HECTD2: variants seen among roughly 807,000 people sequenced by gnomAD.
The protein encoded by HECTD2 is HECT domain E3 ubiquitin protein ligase 2, also known as probable E3 ubiquitin-protein ligase HECTD2.
In HECTD2, 35 loss-of-function variants were observed where a neutral mutation model predicts 103.2. That is an observed-to-expected ratio of 0.34 (90% CI 0.26 to 0.45). The LOEUF (loss-of-function observed/expected upper bound fraction) is 0.45, where lower values mean the gene tolerates loss of function less well. HECTD2 is among the 20% of genes least tolerant of loss of function. The pLI, the probability that HECTD2 is intolerant of heterozygous loss-of-function variation, is 1.00. For synonymous variants in HECTD2, 281 were observed against 329.9 expected (o/e 0.85, Z 1.61); for missense variants, 596 against 937.4 (o/e 0.64, Z 4.76).
In HECTD2 at chr10:91,438,303, A is replaced by C. The variant is rs374013468; in HGVS notation, c.268+12893A>C. On this transcript the variant is annotated intron_variant, in intron 2 of 20. Coordinates refer to ENST00000298068, the MANE Select transcript of HECTD2 (RefSeq NM_182765.6). ...TGTGTCCATGTGTTCTCATTGTTCA[A>C]CTGCCACTTACGAGTGAGAACATGC... Among the ~76,000 whole-genome samples, 451 of 152,226 alleles carry C rather than the reference A, an allele frequency of 3.0e-3. 3 individuals are homozygous for C. Among genetic ancestry groups the C allele is most frequent in the African/African-American group, 0.01 (426 of 41,542 alleles).
rs397846279 is a variant in HECTD2, at chr10:91,415,193, A to AGTGTGTGTGTGTGTGT, written c.138+4640_138+4655dup. On this transcript the variant is annotated intron_variant, in intron 1 of 20. Transcript: ENST00000298068. ...GTCAATAGCATTCCAAATTAGAGAA[A>AGTGTGTGTGTGTGTGT]GTGTGTGTGTGTGTGTGTGTGTGTG... Among the ~76,000 whole-genome samples, 1,194 of 141,708 alleles carry AGTGTGTGTGTGTGTGT rather than the reference A, an allele frequency of 8.4e-3. 14 individuals carry two copies. The highest frequency in any genetic ancestry group is 0.018 in the African/African-American group (690 of 37,906). 93.0% of individuals were successfully genotyped at this position (141,708 alleles called of 152,430 possible). A position where few individuals can be genotyped will look rare whatever the true frequency, so the allele number is the denominator to read the frequency against.
chr10:91,507,967 G>A (rs1366797890), intron 20 of HECTD2, among the ~76,000 whole-genome samples: 1 of 137,586 alleles, frequency 7.3e-6, no homozygotes, highest in Non-Finnish European at 1.5e-5. Flanking sequence ...AAATAATGCC[G>A]CATATGTACA....
rs1364750936 is a variant in HECTD2 at position 91,472,674 on chromosome 10, T to C, written c.601-5527T>C. 2.6e-5 allele frequency among the ~76,000 whole-genome samples: 4 copies of C among 152,320 alleles called. No individual in the cohort carries two copies. The East Asian group carries it at 7.7e-4, about 29-fold the overall frequency. On this transcript the variant is annotated intron_variant, in intron 5 of 20. Transcript: ENST00000298068. ...CAGACACTTCAAAAGAAGACATACATGTGTCCAACCAGCATATGAAGAAAT... is the reference window on the plus strand; with the variant it reads ...CAGACACTTCAAAAGAAGACATACACGTGTCCAACCAGCATATGAAGAAAT...
chr10:91,490,736 A>G (rs1304482952), intron 11 of HECTD2, among the ~76,000 whole-genome samples: 1 of 150,818 alleles, frequency 6.6e-6, no homozygotes, highest in African/African-American at 2.4e-5. Context: ...CTAAAAATAC[A>G]AAAAATTAGC....
chr10:91,415,208 G>GTGTGTGTGTGTGTC (rs1843074943), intron 1 of HECTD2, among the ~76,000 whole-genome samples: 1 of 151,644 alleles, frequency 6.6e-6, no homozygotes, highest in African/African-American at 2.4e-5. Flanking sequence ...GTGTGTGTGT[G>GTGTGTGTGTGTGTC]TGTGTGTGTG....
At chr10:91,464,865 A>G (rs1358735710) in intron 5 of HECTD2, among the ~76,000 whole-genome samples, 1 of 152,226 alleles carries the variant, frequency 6.6e-6, no homozygotes, top group Non-Finnish European at 1.5e-5. Context: ...TTAATATGTT[A>G]TATATGTTAA....
At chr10:91,425,881 T>C (rs1345736855) in intron 2 of HECTD2, among the ~76,000 whole-genome samples, 1 of 151,938 alleles carries the variant, frequency 6.6e-6, no homozygotes, top group African/African-American at 2.4e-5. Flanking sequence ...ATAGATGTTA[T>C]AACGATATAA....
chr10:91,481,212 T>G (rs540379439), intron 7 of HECTD2, 73 bp downstream of exon 7: 5 of 637,570 alleles, frequency 7.8e-6, no homozygotes, highest in African/African-American at 3.8e-5. Context: ...TGAAATGATA[T>G]TAAATATTAA....
intron 2 of HECTD2, among the ~76,000 whole-genome samples, chr10:91,458,011 A>G (rs1845181720): frequency 7.0e-6 from 1 of 143,652 alleles, no homozygotes; most frequent in Admixed American, 6.8e-5. Context: ...CAGATGGCAT[A>G]ATTGTCTATG....
intron 6 of HECTD2, among the ~76,000 whole-genome samples, chr10:91,480,539 C>T (rs1846055312): frequency 6.6e-6 from 1 of 152,042 alleles, no homozygotes; most frequent in South Asian, 2.1e-4. Flanking sequence ...AAGAAACACT[C>T]ATTAGCCTTG....
At chr10:91,496,965 C>CTT (rs200052503) in intron 15 of HECTD2, among the ~76,000 whole-genome samples, 17 of 141,980 alleles carry the variant, frequency 1.2e-4, no homozygotes, top group African/African-American at 3.3e-4. Flanking sequence ...GAAAATCTTT[C>CTT]TTTTTTTTTT....
chr10:91,485,102 T>A, intron 9 of HECTD2, 78 bp from the exon 10 acceptor site: 1 of 1,010,822 alleles, frequency 9.9e-7, no homozygotes, highest in Non-Finnish European at 1.4e-6. Flanking sequence ...CTTGTAGACA[T>A]TAAAATGATG....
intron 12 of HECTD2, 114 bp from the exon 13 acceptor site, chr10:91,492,238 T>C: frequency 1.1e-6 from 1 of 949,616 alleles, no homozygotes; most frequent in Non-Finnish European, 1.6e-6. Context: ...GGGATGGAGT[T>C]TTGTAGCATT....
Position 91,451,041 on chromosome 10 carries a change from A to G in HECTD2, c.269-9386A>G, listed in dbSNP as rs149443990. ...ATCCTTTTACCACCCAAAGGATGAT[A>G]AATCATTCTGCTATAAAGACACATG... On this transcript the variant is annotated intron_variant, in intron 2 of 20. Coordinates refer to ENST00000298068, the MANE Select transcript of HECTD2 (RefSeq NM_182765.6). Among the ~76,000 whole-genome samples, 21 of 152,294 alleles carry G rather than the reference A, an allele frequency of 1.4e-4. 1 individual carries two copies. Among genetic ancestry groups the G allele is most frequent in the Non-Finnish European group, 2.9e-4 (20 of 68,014 alleles).
At chr10:91,424,765 A>G (rs188094301) in intron 1 of HECTD2, among the ~76,000 whole-genome samples, 6 of 152,202 alleles carry the variant, frequency 3.9e-5, no homozygotes, top group Middle Eastern at 3.4e-3. Flanking sequence ...GGTATGCCCA[A>G]TCACAGTGCT....
rs1014988892 is a variant in HECTD2 at position 91,475,886 on chromosome 10, G to A, written c.601-2315G>A. Among the ~76,000 whole-genome samples the A allele has an allele frequency of 1.1e-4, 16 of 152,304 alleles. No homozygotes were observed. In the East Asian group the frequency reaches 2.7e-3, roughly 26 times the overall value. On this transcript the variant is annotated intron_variant, in intron 5 of 20. Coordinates refer to ENST00000298068, the MANE Select transcript of HECTD2 (RefSeq NM_182765.6). ...GGACTTTCACTCTAGGGACACAGCC[G>A]ACCCATGACAACCATCCCATGGTGA...
Position 91,425,378 on chromosome 10 carries a change from C to T in HECTD2, c.236C>T (p.Pro79Leu), listed in dbSNP as rs778452264. The T allele has an allele frequency of 1.9e-6, 3 of 1,574,292 alleles. No homozygotes were observed. Among genetic ancestry groups the T allele is most frequent in the Admixed American group, 1.7e-5 (1 of 57,902 alleles). Residue 79 changes from proline to leucine, a missense_variant, in exon 2 of 21, where the codon CCT becomes CTT. This residue lies in a region of HECTD2 where 220 missense variants were observed against 233.9 expected (regional missense o/e 0.94). Transcript: ENST00000298068. ...GAAGCTGCTGAAAACAGAAGTTCAC[C>T]TGCACATCTTGTTTTCCCTAACATC... ...KKEAAENRSS[P>L]AHLVFPNIKN...
At chr10:91,495,426 TA>T (rs968229575) in intron 14 of HECTD2, among the ~76,000 whole-genome samples, 2 of 152,070 alleles carry the variant, frequency 1.3e-5, no homozygotes, top group African/African-American at 4.8e-5. Context: ...TTCCAATTTT[TA>T]AAAGTTATTT....
intron 2 of HECTD2, among the ~76,000 whole-genome samples, chr10:91,431,987 C>A (rs748144200): frequency 6.6e-6 from 1 of 151,876 alleles, no homozygotes; most frequent in Non-Finnish European, 1.5e-5. Context: ...TTTTAGCAGA[C>A]TTCCTTTATC....
Sources: gnomAD v4.1 joint callset for allele counts (sites outside exome capture counted in the v4.1 genomes callset) on GRCh38, gnomAD v4.1.1 for gene constraint, gnomAD v4.1.1 regional missense constraint, MANE v1.5 for transcripts, NCBI Gene and HGNC (gene_info 2026-07-23, HGNC 2026-07-21) for gene names.